Variants in NGLY1 observed in about 807,000 individuals in gnomAD.
NGLY1 encodes peptide-N(4)-(N-acetyl-beta-glucosaminyl)asparagine amidase.
NGLY1 carries 68 observed loss-of-function variants against 84.6 expected under a neutral mutation model. That is an observed-to-expected ratio of 0.80 (90% CI 0.66 to 0.98). NGLY1 has a LOEUF of 0.98. Among genes scored for constraint, NGLY1 ranks in the 50% least tolerant of loss-of-function variants. The probability of loss-of-function intolerance (pLI) is 0.00; values close to 1 mark genes in which losing one functional copy is unlikely to be tolerated. For synonymous variants in NGLY1, 280 were observed against 275.2 expected, an observed-to-expected ratio of 1.02 and a Z score of -0.17; for missense variants, 779 against 770.2, an observed-to-expected ratio of 1.01 and a Z score of -0.14.
chr3:25,752,048 C>A (rs1706781978), intron 3 of NGLY1, among the ~76,000 whole-genome samples: 1 of 152,160 alleles, frequency 6.6e-6, no homozygotes, highest in Non-Finnish European at 1.5e-5. Flanking sequence ...CAGGACCTCT[C>A]AAATACATAT....
chr3:25,745,612 C>T (rs1194503348), intron 4 of NGLY1, among the ~76,000 whole-genome samples: 1 of 152,116 alleles, frequency 6.6e-6, no homozygotes, highest in Non-Finnish European at 1.5e-5. Flanking sequence ...CTGCAAATTC[C>T]ACATATTCTA....
intron 2 of NGLY1, among the ~76,000 whole-genome samples, chr3:25,771,446 T>G (rs1038993044): frequency 1.3e-5 from 2 of 152,228 alleles, no homozygotes; most frequent in Non-Finnish European, 2.9e-5. Flanking sequence ...ACTATAGTCT[T>G]GTAGTATAGT....
chr3:25,790,005 A>G (rs892073605), exon 1 of NGLY1: 5 of 1,058,430 alleles, frequency 4.7e-6, no homozygotes, highest in Non-Finnish European at 7.1e-6. Flanking sequence ...CAACCGGCGG[A>G]AAGAGAGTCG....
rs746042656 is a variant in NGLY1 at position 25,764,073 on chromosome 3, G to A, written c.485C>T (p.Ala162Val). 1.4e-5 allele frequency: 22 copies of A among 1,613,968 alleles called. No homozygotes were observed. Among genetic ancestry groups the A allele is most frequent in the Admixed American group, 1.3e-4 (8 of 59,984 alleles). Reference sequence around the variant, plus strand: ...GTTTAATTCTAACATTACCGTTGAAGCAGATGGTGGATCTGATGACTGCCC... The same window carrying A: ...GTTTAATTCTAACATTACCGTTGAAACAGATGGTGGATCTGATGACTGCCC... ...RQGQSSDPPS[A>V]STVAADSAIL... The change falls in exon 3 of 12, where the codon GCT (alanine) becomes GTT (valine). Residue 162 changes from alanine to valine, a missense_variant. Coordinates refer to ENST00000280700, the MANE Select transcript of NGLY1 (RefSeq NM_018297.4).
chr3:25,755,011 AGAC>A (rs1230433456), intron 3 of NGLY1: 4 of 900,730 alleles, frequency 4.4e-6, no homozygotes, highest in Non-Finnish European at 7.5e-6. Flanking sequence ...TGGGAATCAC[AGAC>A]TACAAACCAA....
chr3:25,725,458 C>T (rs1410824632), intron 10 of NGLY1, among the ~76,000 whole-genome samples: 1 of 152,196 alleles, frequency 6.6e-6, no homozygotes, highest in Non-Finnish European at 1.5e-5. Flanking sequence ...AATTAACTGA[C>T]TCCAAGGAGA....
At chr3:25,786,506 A>G (rs1227451139), upstream of NGLY1, among the ~76,000 whole-genome samples, 3 of 152,242 alleles carry the variant, frequency 2.0e-5, no homozygotes, top group African/African-American at 7.2e-5. Flanking sequence ...TGGGTATAAA[A>G]GTTAGGGTAG....
chr3:25,723,963 T>C (rs1052483225), intron 10 of NGLY1, among the ~76,000 whole-genome samples: 1 of 152,202 alleles, frequency 6.6e-6, no homozygotes, highest in Non-Finnish European at 1.5e-5. Context: ...TATGAGCATA[T>C]ACACCCTTTG....
intron 2 of NGLY1, among the ~76,000 whole-genome samples, chr3:25,768,707 G>C (rs9828656): frequency 1.3e-5 from 2 of 151,268 alleles, no homozygotes; most frequent in Admixed American, 6.6e-5. Flanking sequence ...CACCACGCCC[G>C]GCTAATTTTT....
Position 25,775,187 on chromosome 3 carries a change from C to T in NGLY1, c.246+3387G>A, listed in dbSNP as rs566312540. Among the ~76,000 whole-genome samples, 3 of 152,304 alleles carry T rather than the reference C, an allele frequency of 2.0e-5. No homozygotes were observed. In the South Asian group the frequency reaches 6.2e-4, roughly 32 times the overall value. On this transcript the variant is annotated intron_variant, in intron 2 of 11. Transcript: ENST00000280700. ...GGGTCTGTGAATTCTTTTGGTTTTC[C>T]TGGTATGTTCCTCTAGTATTTCTCA... is the stretch of plus-strand genomic sequence containing the variant.
chr3:25,764,237 T>C lies in NGLY1; in HGVS notation c.321A>G (p.Ile107Met). ...QLQKIRDLIA[I>M]ERSSRLDGSN... is the part of the protein sequence containing the mutation. ...AGCCATCCAGTCTGCTACTTCTCTC[T>C]ATGGCAATCAGGTCACGAATTTTTT... The change falls in exon 3 of 12, where the codon ATA becomes ATG. Residue 107 changes from isoleucine (I) to methionine (M), a missense_variant. Transcript: ENST00000280700. The C allele has an allele frequency of 6.2e-7, 1 of 1,614,174 alleles. No homozygotes were observed. The highest frequency in any genetic ancestry group is 8.5e-7 in the Non-Finnish European group (1 of 1,180,022).
At chr3:25,742,319 T>A (rs1274168697) in intron 4 of NGLY1, among the ~76,000 whole-genome samples, 1 of 152,180 alleles carries the variant, frequency 6.6e-6, no homozygotes. Context: ...AACCTCTATG[T>A]CCATCAATAG....
At chr3:25,722,338 G>C (rs1705044634) in intron 10 of NGLY1, among the ~76,000 whole-genome samples, 1 of 149,570 alleles carries the variant, frequency 6.7e-6, no homozygotes, top group South Asian at 2.1e-4. Flanking sequence ...TCATACTCTA[G>C]CTCAGGGGCA....
chr3:25,789,814 T>C (rs2125337367), intron 1 of NGLY1: 1 of 1,547,106 alleles, frequency 6.5e-7, no homozygotes, highest in South Asian at 1.2e-5. Context: ...TATTTGGGCA[T>C]TATCACTGCC....
At chr3:25,732,586 GAAACAAGTACTGAATTTTATTTTC>G (rs1705597743) in intron 8 of NGLY1, 103 bp from the exon 9 acceptor site, 1 of 720,988 alleles carries the variant, frequency 1.4e-6, no homozygotes, top group Admixed American at 3.1e-5. Flanking sequence ...AAGAGGTCTT[GAAACAAGTACTGAATTTTATTTTC>G]AAACATATAT....
At chr3:25,730,718 C>T (rs1351405616) in intron 9 of NGLY1, among the ~76,000 whole-genome samples, 1 of 152,064 alleles carries the variant, frequency 6.6e-6, no homozygotes, top group Non-Finnish European at 1.5e-5. Context: ...AAAAAGCAAA[C>T]ATAAAATTTA....
intron 3 of NGLY1, among the ~76,000 whole-genome samples, chr3:25,753,846 A>G (rs751923554): frequency 7.2e-5 from 11 of 152,222 alleles, no homozygotes; most frequent in Admixed American, 1.3e-4. Flanking sequence ...AATGGGTTAA[A>G]TGTGCATATT....
chr3:25,731,149 T>C (rs1465634880), intron 9 of NGLY1, among the ~76,000 whole-genome samples: 1 of 152,044 alleles, frequency 6.6e-6, no homozygotes, highest in Non-Finnish European at 1.5e-5. Context: ...CTAGCCAATA[T>C]CAGATATATG....
At chr3:25,765,329 G>A (rs369433048) in intron 2 of NGLY1, among the ~76,000 whole-genome samples, 5 of 151,980 alleles carry the variant, frequency 3.3e-5, no homozygotes, top group Middle Eastern at 3.4e-3. Context: ...GCATGGTGGC[G>A]GGTGCCTGTA....
Sources: gnomAD v4.1 joint callset for allele counts (sites outside exome capture counted in the v4.1 genomes callset) on GRCh38, gnomAD v4.1.1 for gene constraint, MANE v1.5 for transcripts, NCBI Gene and HGNC (gene_info 2026-07-23, HGNC 2026-07-21) for gene names.